The following CLVS1 variants were observed in gnomAD, a reference collection of about 807,000 sequenced individuals.
The protein encoded by CLVS1 is clavesin-1.
CLVS1 carries 10 observed loss-of-function variants against 33.1 expected under a neutral mutation model. The ratio of observed to expected loss-of-function variants is 0.30; its 90% CI spans 0.19 to 0.51. The LOEUF (loss-of-function observed/expected upper bound fraction) is 0.51. Ranked by LOEUF, CLVS1 falls within the 20% of genes least tolerant of loss-of-function variation. The pLI is 0.97. For synonymous variants in CLVS1, 163 were observed against 166.1 expected, an observed-to-expected ratio of 0.98 and a Z score of 0.14; for missense variants, 343 against 433.4, an observed-to-expected ratio of 0.79 and a Z score of 1.85.
At chr8:61,079,669 A>G (rs192257421) in intron 1 of CLVS1, among the ~76,000 whole-genome samples, 8 of 152,270 alleles carry the variant, frequency 5.3e-5, no homozygotes, top group Non-Finnish European at 1.0e-4. Flanking sequence ...AGGGCTGTTT[A>G]TTTGTTTGAG....
intron 2 of CLVS1, among the ~76,000 whole-genome samples, chr8:61,165,746 A>G (rs1213219248): frequency 6.6e-6 from 1 of 152,172 alleles, no homozygotes; most frequent in Admixed American, 6.5e-5. Context: ...CCTTGGGCAC[A>G]TGTTCTCAGG....
intron 5 of CLVS1, among the ~76,000 whole-genome samples, chr8:61,490,961 C>CAA (rs111874903): frequency 2.1e-4 from 26 of 123,062 alleles, no homozygotes; most frequent in Non-Finnish European, 3.6e-4. Flanking sequence ...ACTCCATCTC[C>CAA]AAAAAAAAAA....
intron 2 of CLVS1, among the ~76,000 whole-genome samples, chr8:61,263,525 A>G (rs181340052): frequency 7.2e-5 from 11 of 152,332 alleles, no homozygotes; most frequent in Admixed American, 5.9e-4. Context: ...TTTATAATCC[A>G]TGATGTACTG....
rs139216699 is a variant in CLVS1 at position 61,202,510 on chromosome 8, A to G, written c.-152+70650A>G. The stretch of plus-strand genomic sequence containing the variant: ...AACGGTCAGTTTAGGGGCTGGTGCA[A>G]AGGATGAATTGCACATTGTTGAAGC... On this transcript the variant is annotated intron_variant, in intron 2 of 2. Transcript: ENST00000522621. The G allele has an allele frequency of 2.7e-4, 267 of 1,003,766 alleles. 2 individuals carry two copies. In the African/African-American group the frequency reaches 3.7e-3, roughly 14 times the overall value. 62.2% of individuals were successfully genotyped at this position (1,003,766 alleles called of 1,614,324 possible). A position where few individuals can be genotyped will look rare whatever the true frequency, so the allele number is the denominator to read the frequency against.
upstream of CLVS1, among the ~76,000 whole-genome samples, chr8:61,053,128 G>A (rs1208440933): frequency 6.6e-6 from 1 of 152,190 alleles, no homozygotes; most frequent in Admixed American, 6.5e-5. Context: ...GGTCGACCAG[G>A]AGCTCAGGGC....
At chr8:60,970,592 G>A in the CLVS1 span, among the ~76,000 whole-genome samples, 6 of 152,342 alleles carry the variant, frequency 3.9e-5, no homozygotes, top group East Asian at 1.2e-3. Context: ...GAATTTGGAA[G>A]GCATTGCACC....
intron 1 of CLVS1, chr8:61,292,348 G>T: frequency 2.2e-6 from 1 of 456,150 alleles, no homozygotes; most frequent in Non-Finnish European, 4.4e-6. Context: ...TCCCACTGCT[G>T]CCATTGTCTG....
rs16926861 is a variant in CLVS1, at chr8:61,102,632, T to G, written c.-242-29138T>G. Among the ~76,000 whole-genome samples the G allele has an allele frequency of 9.5e-3, 1,453 of 152,292 alleles. 20 individuals carry two copies. Among genetic ancestry groups the G allele is most frequent in the African/African-American group, 0.033 (1,379 of 41,554 alleles). ...GCCCTGGCTGAAAATTATAACTTCTTGAGAGGGTACTATAGACCATAGTAA... is the reference window on the plus strand; with the variant it reads ...GCCCTGGCTGAAAATTATAACTTCTGGAGAGGGTACTATAGACCATAGTAA... On this transcript the variant is annotated intron_variant, in intron 1 of 2. Transcript: ENST00000522621.
the CLVS1 span, among the ~76,000 whole-genome samples, chr8:61,040,512 A>G: frequency 1.3e-5 from 2 of 152,036 alleles, no homozygotes; most frequent in African/African-American, 4.8e-5. Context: ...ATTTTTTATC[A>G]TTTTAGTAAT....
At chr8:61,439,962 T>C (rs1585977101) in intron 3 of CLVS1, among the ~76,000 whole-genome samples, 1 of 152,378 alleles carries the variant, frequency 6.6e-6, no homozygotes, top group East Asian at 1.9e-4. Context: ...CTTTTTCATC[T>C]GCCGTCTGCA....
intron 2 of CLVS1, among the ~76,000 whole-genome samples, chr8:61,190,347 C>T (rs1364727850): frequency 6.6e-6 from 1 of 152,048 alleles, no homozygotes; most frequent in Non-Finnish European, 1.5e-5. Flanking sequence ...CACAACATAC[C>T]ATAATCTCTG....
the CLVS1 span, among the ~76,000 whole-genome samples, chr8:60,987,297 A>G: frequency 2.0e-5 from 3 of 152,220 alleles, no homozygotes; most frequent in African/African-American, 7.2e-5. Context: ...CTTGAAGGAT[A>G]AATAGAAGCT....
Position 61,326,927 on chromosome 8 carries a change from T to C in CLVS1, c.455+26645T>C, listed in dbSNP as rs547560008. 5.3e-5 allele frequency among the ~76,000 whole-genome samples: 8 copies of C among 152,344 alleles called. No homozygotes were observed. In the East Asian group the frequency reaches 7.7e-4, roughly 15 times the overall value. On this transcript the variant is annotated intron_variant, in intron 2 of 5. Transcript: ENST00000325897. ...AATGTAGCCAGAAAAATGCTGATTT[T>C]ATCTTTTAATTCTCAAAAACCGTAA...
chr8:61,045,000 C>T, the CLVS1 span, among the ~76,000 whole-genome samples: 4 of 152,154 alleles, frequency 2.6e-5, no homozygotes, highest in Non-Finnish European at 5.9e-5. Context: ...GATGGATTGG[C>T]CAGTGGATGC....
At chr8:61,032,996 A>AGAAG in the CLVS1 span, among the ~76,000 whole-genome samples, 1 of 51,474 alleles carries the variant, frequency 1.9e-5, no homozygotes, top group African/African-American at 7.4e-5. Flanking sequence ...AAGGAAGGAA[A>AGAAG]GAAAGAAAGA....
At chr8:61,060,499 T>A (rs564935952) in intron 1 of CLVS1, among the ~76,000 whole-genome samples, 1 of 152,320 alleles carries the variant, frequency 6.6e-6, no homozygotes, top group East Asian at 1.9e-4. Context: ...AATTTGGCTT[T>A]AAATTGGTAT....
chr8:61,189,205 TG>T (rs1464969145), intron 2 of CLVS1, among the ~76,000 whole-genome samples: 1 of 151,898 alleles, frequency 6.6e-6, no homozygotes, highest in African/African-American at 2.4e-5. Context: ...CAGAAGAGAG[TG>T]GGGGCCAATA....
At chr8:61,021,472 TC>T in the CLVS1 span, among the ~76,000 whole-genome samples, 1 of 151,776 alleles carries the variant, frequency 6.6e-6, no homozygotes, top group Non-Finnish European at 1.5e-5. Flanking sequence ...TGCCTCAGCC[TC>T]CCATGTAGCT....
intron 2 of CLVS1, among the ~76,000 whole-genome samples, chr8:61,250,742 G>T (rs1192142564): frequency 1.3e-5 from 2 of 152,206 alleles, no homozygotes; most frequent in South Asian, 4.1e-4. Context: ...GTAAAGGAAT[G>T]CATGTGATTT....
Sources: gnomAD v4.1 joint callset for allele counts (sites outside exome capture counted in the v4.1 genomes callset) on GRCh38, gnomAD v4.1.1 for gene constraint, MANE v1.5 for transcripts, NCBI Gene and HGNC (gene_info 2026-07-23, HGNC 2026-07-21) for gene names.